KIAA1217: variants seen among roughly 807,000 people sequenced by gnomAD.
KIAA1217 encodes the protein sickle tail protein homolog.
Under a neutral mutation model 163.9 loss-of-function variants are expected in KIAA1217, and 88 were observed. That is an observed-to-expected ratio of 0.54 (90% CI 0.45 to 0.64). The LOEUF (loss-of-function observed/expected upper bound fraction) is 0.64. Among genes scored for constraint, KIAA1217 ranks in the 30% least tolerant of loss-of-function variants. KIAA1217 has a pLI of 0.00. For missense variants in KIAA1217, 2,372 were observed against 2,475.0 expected (o/e 0.96, Z 0.88); for synonymous variants, 903 against 923.1 (o/e 0.98, Z 0.39).
chr10:23,788,366 T>A (rs1161119399), intron 1 of KIAA1217, among the ~76,000 whole-genome samples: 1 of 152,184 alleles, frequency 6.6e-6, no homozygotes, highest in Non-Finnish European at 1.5e-5. Flanking sequence ...GAGTTCTCAA[T>A]GGGAGGAAGT....
chr10:24,498,694 AC>A (rs1026502059), intron 8 of KIAA1217, among the ~76,000 whole-genome samples: 4 of 152,140 alleles, frequency 2.6e-5, no homozygotes, highest in African/African-American at 9.7e-5. Flanking sequence ...GGTGGCACAT[AC>A]CCATAGTCCC....
At chr10:24,135,205 A>C (rs2063788855) in intron 2 of KIAA1217, among the ~76,000 whole-genome samples, 1 of 152,202 alleles carries the variant, frequency 6.6e-6, no homozygotes, top group Non-Finnish European at 1.5e-5. Context: ...AGGAGGATGG[A>C]GATTCCAAGC....
intron 3 of KIAA1217, among the ~76,000 whole-genome samples, chr10:24,430,043 G>A (rs2059471417): frequency 6.6e-6 from 1 of 152,130 alleles, no homozygotes; most frequent in South Asian, 2.1e-4. Flanking sequence ...GTACTCAGGG[G>A]GCTGAGGTGG....
intron 3 of KIAA1217, among the ~76,000 whole-genome samples, chr10:24,386,773 G>T (rs1384568913): frequency 1.3e-5 from 2 of 151,926 alleles, no homozygotes; most frequent in African/African-American, 4.8e-5. Flanking sequence ...TAGAAATGGG[G>T]TCTTGCTGTG....
intron 2 of KIAA1217, among the ~76,000 whole-genome samples, chr10:24,263,343 G>A (rs1175900284): frequency 2.0e-5 from 3 of 152,202 alleles, no homozygotes; most frequent in Non-Finnish European, 4.4e-5. Flanking sequence ...CGTTTCATGG[G>A]GGCTGGGGGA....
At chr10:24,357,613 A>G (rs1234583514) in intron 2 of KIAA1217, among the ~76,000 whole-genome samples, 1 of 152,172 alleles carries the variant, frequency 6.6e-6, no homozygotes, top group Non-Finnish European at 1.5e-5. Flanking sequence ...GGAAATAGAA[A>G]CCAGAGGTTT....
At position 23,909,931 on chromosome 10, in the gene KIAA1217, A is replaced by G. The variant is rs188820268; in HGVS notation, c.-320-97294A>G. Among the ~76,000 whole-genome samples, 285 of 152,256 alleles carry G rather than the reference A, an allele frequency of 1.9e-3. 1 individual carries two copies. Among genetic ancestry groups the G allele is most frequent in the African/African-American group, 6.5e-3 (269 of 41,548 alleles). On this transcript the variant is annotated intron_variant, in intron 1 of 18. Coordinates refer to the KIAA1217 transcript ENST00000376462. The stretch of plus-strand genomic sequence containing the variant: ...CCACCAACAGCGTAAAAGCATTCCT[A>G]TTTCTCTGCATCCTCTCCAGCATCT...
intron 3 of KIAA1217, among the ~76,000 whole-genome samples, chr10:24,402,147 C>A (rs2056594751): frequency 6.6e-6 from 1 of 152,112 alleles, no homozygotes; most frequent in South Asian, 2.1e-4. Flanking sequence ...TAAAAATATT[C>A]CTATAAAAAC....
intron 10 of KIAA1217, among the ~76,000 whole-genome samples, chr10:24,517,711 TGG>T (rs538677326): frequency 4.7e-4 from 71 of 152,242 alleles, no homozygotes; most frequent in African/African-American, 1.7e-3. Flanking sequence ...TGTGAAGAGA[TGG>T]GCTGGGCACA....
At chr10:23,717,303 C>G (rs182271452) in intron 1 of KIAA1217, among the ~76,000 whole-genome samples, 1 of 151,906 alleles carries the variant, frequency 6.6e-6, no homozygotes, top group East Asian at 1.9e-4. Context: ...AAGCTCATAG[C>G]GGGACTTATT....
intron 1 of KIAA1217, among the ~76,000 whole-genome samples, chr10:23,835,443 C>G (rs1838399033): frequency 6.6e-6 from 1 of 152,110 alleles, no homozygotes; most frequent in South Asian, 2.1e-4. Flanking sequence ...ATAACCCCTC[C>G]ACCCCCTGCT....
intron 1 of KIAA1217, among the ~76,000 whole-genome samples, chr10:23,941,463 G>A (rs112709734): frequency 3.9e-5 from 6 of 152,076 alleles, no homozygotes; most frequent in Non-Finnish European, 7.4e-5. Context: ...ACATTGAATC[G>A]GACTAACATT....
chr10:24,395,043 G>A (rs2055532184), intron 3 of KIAA1217, among the ~76,000 whole-genome samples: 1 of 152,156 alleles, frequency 6.6e-6, no homozygotes. Context: ...CAGGTCAGGG[G>A]ACCACTGATT....
intron 1 of KIAA1217, among the ~76,000 whole-genome samples, chr10:23,880,996 T>C (rs1226850181): frequency 6.6e-6 from 1 of 151,740 alleles, no homozygotes; most frequent in East Asian, 2.0e-4. Context: ...GTTGAAGCTA[T>C]ATGCAATGGT....
chr10:24,088,256 C>CATATATAT lies in KIAA1217; in HGVS notation c.-171+80894_-171+80901dup, dbSNP rs758367708. On this transcript the variant is annotated intron_variant, in intron 2 of 18. Transcript: ENST00000376462. ...TCCCAGGCTCTGTTTTTTTAATATACATATATATATATATATATACACACA... is the reference window on the plus strand; with the variant it reads ...TCCCAGGCTCTGTTTTTTTAATATACATATATATATATATATATATATATATACACACA... Among the ~76,000 whole-genome samples the CATATATAT allele has an allele frequency of 2.4e-4, 23 of 95,856 alleles. 1 individual carries two copies. Among genetic ancestry groups the CATATATAT allele is most frequent in the East Asian group, 1.0e-3 (5 of 4,770 alleles). 62.9% of individuals were successfully genotyped at this position (95,856 alleles called of 152,430 possible).
At chr10:23,817,603 A>G (rs1837366942) in intron 1 of KIAA1217, among the ~76,000 whole-genome samples, 1 of 152,152 alleles carries the variant, frequency 6.6e-6, no homozygotes, top group South Asian at 2.1e-4. Flanking sequence ...TGAAGAAGAC[A>G]GAAGGGTGTC....
At chr10:24,013,316 T>G (rs1847325517) in intron 2 of KIAA1217, among the ~76,000 whole-genome samples, 1 of 151,916 alleles carries the variant, frequency 6.6e-6, no homozygotes, top group Admixed American at 6.6e-5. Flanking sequence ...TCAATGTTAA[T>G]AAATCAAAAT....
At chr10:24,404,522 A>G (rs989834749) in intron 3 of KIAA1217, among the ~76,000 whole-genome samples, 1 of 142,690 alleles carries the variant, frequency 7.0e-6, no homozygotes, top group East Asian at 2.1e-4. Flanking sequence ...AGCTGAGATC[A>G]CACCACTGCA....
At chr10:24,216,846 G>GT (rs897852189) in intron 1 of KIAA1217, among the ~76,000 whole-genome samples, 1 of 146,760 alleles carries the variant, frequency 6.8e-6, no homozygotes, top group African/African-American at 2.5e-5. Flanking sequence ...AAAAAAAAAG[G>GT]TAAAAAATAA....
Sources: allele counts gnomAD v4.1 joint callset (sites outside exome capture counted in the v4.1 genomes callset), GRCh38; gene constraint gnomAD v4.1.1; transcripts MANE v1.5; gene names NCBI Gene and HGNC (gene_info 2026-07-23, HGNC 2026-07-21).